PCDHGA7: variants seen among roughly 807,000 people sequenced by gnomAD.
The protein encoded by PCDHGA7 is protocadherin gamma-A7.
In PCDHGA7, 44 loss-of-function variants were observed where a neutral mutation model predicts 58.3. The ratio of observed to expected loss-of-function variants is 0.75; its 90% CI spans 0.59 to 0.97. The LOEUF (loss-of-function observed/expected upper bound fraction) is 0.97, where lower values mean the gene tolerates loss of function less well. Ranked by LOEUF, PCDHGA7 falls within the 50% of genes least tolerant of loss-of-function variation. The pLI, the probability that PCDHGA7 is intolerant of heterozygous loss-of-function variation, is 0.00. For missense variants in PCDHGA7, 1,266 were observed against 1,188.7 expected (o/e 1.06, Z -0.96); for synonymous variants, 516 against 504.2 (o/e 1.02, Z -0.31).
intron 1 of PCDHGA7, chr5:141,395,561 T>C (rs1589266253): frequency 8.5e-6 from 2 of 235,114 alleles, no homozygotes; most frequent in East Asian, 1.7e-4. Context: ...TGTGTGTGTG[T>C]GTGTGTGTGT....
At position 141,489,358 on chromosome 5, in the gene PCDHGA7, G is replaced by A; in HGVS notation, c.2425-5449G>A. On this transcript the variant is annotated intron_variant, in intron 1 of 3. Transcript: ENST00000518325. This position sits in a 1 kb window ranked among gnomAD's most constrained non-coding sequence, Gnocchi z 4.5. ...TCGTTACTCAGTGGTGGAGGAGTCT[G>A]AGCCGGGGACGCTGGTGGGGAATGT... 1 of 1,613,144 alleles carries A rather than the reference G, an allele frequency of 6.2e-7. No individual in the cohort carries two copies. The highest frequency in any genetic ancestry group is 8.5e-7 in the Non-Finnish European group (1 of 1,179,278).
In PCDHGA7 at chr5:141,486,030, C is replaced by T. The variant is rs2099623234; in HGVS notation, c.2425-8777C>T. 2 of 1,614,046 alleles carry T rather than the reference C, an allele frequency of 1.2e-6. No homozygotes were observed. Among genetic ancestry groups the T allele is most frequent in the African/African-American group, 1.3e-5 (1 of 74,918 alleles). On this transcript the variant is annotated intron_variant, in intron 1 of 3. Coordinates refer to ENST00000518325, the MANE Select transcript of PCDHGA7 (RefSeq NM_018920.4). This position sits in a 1 kb window ranked among gnomAD's most constrained non-coding sequence, Gnocchi z 5.0. ...ACCTTTTATTTCAGTGGTCATACCC[C>T]TGATCGTGTAAGAAACCTCTTTAGC...
chr5:141,506,577 A>G (rs2099855057), intron 3 of PCDHGA7, among the ~76,000 whole-genome samples: 1 of 152,162 alleles, frequency 6.6e-6, no homozygotes, highest in South Asian at 2.1e-4. Flanking sequence ...TTCACTTACT[A>G]TTAATGGGCA....
intron 1 of PCDHGA7, chr5:141,389,833 C>T (rs1561628239): frequency 6.2e-7 from 1 of 1,613,996 alleles, no homozygotes; most frequent in East Asian, 2.2e-5. Flanking sequence ...GGTGGACAGC[C>T]ACCACTCTCG....
chr5:141,458,367 G>A (rs1297876142), intron 1 of PCDHGA7, among the ~76,000 whole-genome samples: 2 of 152,130 alleles, frequency 1.3e-5, no homozygotes, highest in African/African-American at 2.4e-5. Context: ...AGAAGGAAGG[G>A]AGAAGAGAGA....
At chr5:141,502,575 A>G (rs1314648955) in intron 2 of PCDHGA7, among the ~76,000 whole-genome samples, 2 of 152,208 alleles carry the variant, frequency 1.3e-5, no homozygotes, top group Admixed American at 1.3e-4. Context: ...CATTATAAAA[A>G]TATATTTTTA....
At chr5:141,395,901 C>G (rs1019647060) in intron 1 of PCDHGA7, 6 of 152,046 alleles carry the variant, frequency 3.9e-5, no homozygotes, top group African/African-American at 1.4e-4. Flanking sequence ...GCTCCATGCC[C>G]ATGGAGACAT....
At chr5:141,404,488 T>C (rs3749770) in intron 1 of PCDHGA7, 387,354 of 1,612,960 alleles carry the variant, frequency 0.24, 50,449 homozygotes, top group African/African-American at 0.51. Flanking sequence ...CAGACACTGG[T>C]GTGCTGTATG....
rs1223618064 is a variant in PCDHGA7 at position 141,512,867 on chromosome 5, C to T, written c.*1694C>T. On this transcript the variant is annotated 3_prime_UTR_variant, in exon 4 of 4. Transcript: ENST00000518325. The stretch of plus-strand genomic sequence containing the variant: ...ATAAGCGCTTCTCTTCGCATAGTCA[C>T]GTAGCTCCCACCCCACCCTCTTCCT... 1 of 152,184 alleles carries T rather than the reference C, an allele frequency of 6.6e-6. No homozygotes were observed. The highest frequency in any genetic ancestry group is 1.5e-5 in the Non-Finnish European group (1 of 68,056). The allele number at this position is 152,184 out of a possible 1,614,324, so 9.4% of individuals were successfully genotyped here. A position where few individuals can be genotyped will look rare whatever the true frequency, so the allele number is the denominator to read the frequency against.
chr5:141,492,064 C>T (rs1562152072), intron 1 of PCDHGA7: 3 of 484,366 alleles, frequency 6.2e-6, no homozygotes, highest in Non-Finnish European at 1.1e-5. Context: ...AGCCAGCCTC[C>T]TAGGCGCCGG....
intron 1 of PCDHGA7, chr5:141,427,468 C>T: frequency 2.0e-6 from 1 of 509,312 alleles, no homozygotes; most frequent in Middle Eastern, 3.0e-4. Flanking sequence ...ATCGAATCTT[C>T]CGCCAATAAT....
In PCDHGA7 at chr5:141,491,759, G is replaced by A; in HGVS notation, c.2425-3048G>A. On this transcript the variant is annotated intron_variant, in intron 1 of 3. Coordinates refer to ENST00000518325, the MANE Select transcript of PCDHGA7 (RefSeq NM_018920.4). The surrounding 1 kb of genome is among the most constrained non-coding windows in gnomAD (Gnocchi z 6.9). ...GGGGGCGGCACTGGAGAAGCCGCCC[G>A]TCCTCATAAGGGATTGAACTTGCAT... 2 of 1,575,392 alleles carry A rather than the reference G, an allele frequency of 1.3e-6. No homozygotes were observed. The highest frequency in any genetic ancestry group is 1.9e-5 in the Admixed American group (1 of 52,640).
chr5:141,418,914 T>C (rs1200050684), intron 1 of PCDHGA7: 4 of 1,613,964 alleles, frequency 2.5e-6, no homozygotes, highest in East Asian at 2.2e-5. Context: ...ATCACGTCAC[T>C]CTCTGATCAG....
chr5:141,472,159 A>G (rs1020175900), intron 1 of PCDHGA7, among the ~76,000 whole-genome samples: 1 of 152,246 alleles, frequency 6.6e-6, no homozygotes, highest in Non-Finnish European at 1.5e-5. Context: ...TTACATAGCT[A>G]CTAGGTGTAA....
Position 141,485,631 on chromosome 5 carries a change from C to T in PCDHGA7, c.2425-9176C>T. 6.2e-7 allele frequency: 1 copy of T among 1,611,764 alleles called. No homozygotes were observed. The highest frequency in any genetic ancestry group is 8.5e-7 in the Non-Finnish European group (1 of 1,178,360). Reference sequence around the variant, plus strand: ...GCAGCTCCTCCAGGACAGCGTTTCCCGTTGGAAAAGGCTCAGGATGCAGAT... The same window carrying T: ...GCAGCTCCTCCAGGACAGCGTTTCCTGTTGGAAAAGGCTCAGGATGCAGAT... On this transcript the variant is annotated intron_variant, in intron 1 of 3. Coordinates refer to ENST00000518325, the MANE Select transcript of PCDHGA7 (RefSeq NM_018920.4). The surrounding 1 kb of genome is among the most constrained non-coding windows in gnomAD (Gnocchi z 5.7).
At position 141,409,159 on chromosome 5, in the gene PCDHGA7, GGAAGC is replaced by G. The variant is rs1361879939; in HGVS notation, c.2424+23841_2424+23845del. On this transcript the variant is annotated intron_variant, in intron 1 of 3. Transcript: ENST00000518325. ...ATGTAGAAAGGTACACCATGGAAGTGGAAGCGAAGGACGGAGGTGGTCTCTCTACC... is the reference window on the plus strand; with the variant it reads ...ATGTAGAAAGGTACACCATGGAAGTGGAAGGACGGAGGTGGTCTCTCTACC... The G allele has an allele frequency of 3.1e-6, 5 of 1,614,014 alleles. 1 individual carries two copies. In the South Asian group the frequency reaches 5.5e-5, roughly 18 times the overall value.
At chr5:141,507,442 C>T (rs748782097) in intron 3 of PCDHGA7, among the ~76,000 whole-genome samples, 1 of 152,162 alleles carries the variant, frequency 6.6e-6, no homozygotes, top group African/African-American at 2.4e-5. Flanking sequence ...CTACAGCTGA[C>T]GGAAGGACAG....
intron 1 of PCDHGA7, chr5:141,403,542 A>T (rs561106024): frequency 1.2e-6 from 2 of 1,613,990 alleles, no homozygotes; most frequent in East Asian, 4.5e-5. Context: ...CTGGTGCTGG[A>T]GCGCGCCCTG....
At chr5:141,387,386 A>G (rs1451460616) in intron 1 of PCDHGA7, among the ~76,000 whole-genome samples, 14 of 152,232 alleles carry the variant, frequency 9.2e-5, no homozygotes, top group Non-Finnish European at 1.5e-5. Flanking sequence ...TTATATAGAT[A>G]GTGCATGTTT....
Sources: allele counts gnomAD v4.1 joint callset (sites outside exome capture counted in the v4.1 genomes callset), GRCh38; gene constraint gnomAD v4.1.1; non-coding constraint Gnocchi (gnomAD v3.1); transcripts MANE v1.5; gene names NCBI Gene and HGNC (gene_info 2026-07-23, HGNC 2026-07-21).